The following SNX29 variants were observed in gnomAD, a reference collection of about 807,000 sequenced individuals.
The protein encoded by SNX29 is sorting nexin 29.
A neutral mutation model predicts 102.1 loss-of-function variants in SNX29; 78 were observed. The ratio of observed to expected loss-of-function variants is 0.76; its 90% CI spans 0.64 to 0.92. SNX29 has a LOEUF of 0.92. Ranked by LOEUF, SNX29 falls within the 40% of genes least tolerant of loss-of-function variation. SNX29 has a pLI of 0.00. For synonymous variants in SNX29, 580 were observed against 414.5 expected (o/e 1.40, Z -4.85); for missense variants, 1,280 against 1,061.7 (o/e 1.21, Z -2.86).
chr16:12,197,160 A>T (rs879136274), intron 13 of SNX29, among the ~76,000 whole-genome samples: 2 of 152,192 alleles, frequency 1.3e-5, no homozygotes, highest in Admixed American at 1.3e-4. Context: ...TTGTTTAGAA[A>T]TGTCTATAAC....
chr16:12,013,500 A>AAAAAAAAATATATATATATATAT, intron 3 of SNX29, among the ~76,000 whole-genome samples: 1 of 31,630 alleles, frequency 3.2e-5, no homozygotes, highest in African/African-American at 9.8e-5. Flanking sequence ...AAAAAAAAAA[A>AAAAAAAAATATATATATATATAT]ATATATATAT....
intron 16 of SNX29, among the ~76,000 whole-genome samples, chr16:12,396,376 C>G (rs971302295): frequency 3.9e-5 from 6 of 152,184 alleles, no homozygotes; most frequent in African/African-American, 1.4e-4. Flanking sequence ...GGTGCAAACT[C>G]TGTTCACTTC....
intron 15 of SNX29, among the ~76,000 whole-genome samples, chr16:12,330,358 T>G (rs2081258633): frequency 6.6e-6 from 1 of 152,040 alleles, no homozygotes; most frequent in Non-Finnish European, 1.5e-5. Context: ...TCCCAGCTAC[T>G]CGGGAGGCTG....
At chr16:12,230,350 A>G (rs1399242847) in intron 14 of SNX29, among the ~76,000 whole-genome samples, 1 of 152,230 alleles carries the variant, frequency 6.6e-6, no homozygotes, top group East Asian at 1.9e-4. Flanking sequence ...TTTTCCAAAT[A>G]GACAATCACG....
intron 20 of SNX29, among the ~76,000 whole-genome samples, chr16:12,538,743 C>T (rs1567672862): frequency 6.6e-6 from 1 of 151,906 alleles, no homozygotes; most frequent in Non-Finnish European, 1.5e-5. Context: ...AGAAGCACAC[C>T]CATATGGGTA....
chr16:12,307,300 C>T (rs2080367702), intron 15 of SNX29, among the ~76,000 whole-genome samples: 1 of 152,116 alleles, frequency 6.6e-6, no homozygotes, highest in South Asian at 2.1e-4. Flanking sequence ...ATGCAGGTGC[C>T]TGGCCGAGGG....
chr16:12,561,656 G>A (rs1029951389), intron 20 of SNX29, among the ~76,000 whole-genome samples: 70 of 152,314 alleles, frequency 4.6e-4, no homozygotes, highest in African/African-American at 1.5e-3. Flanking sequence ...CACTCCTGGG[G>A]CCCTCTGAGG....
intron 20 of SNX29, among the ~76,000 whole-genome samples, chr16:12,566,971 C>A (rs961265214): frequency 4.6e-5 from 7 of 152,248 alleles, no homozygotes; most frequent in East Asian, 1.9e-4. Context: ...ATCTCACTCG[C>A]ACAGTGGCCA....
rs149520664 is a variant in SNX29 at position 12,206,963 on chromosome 16, C to T, written c.1678+7280C>T. On this transcript the variant is annotated intron_variant, in intron 14 of 20. Coordinates refer to ENST00000566228, the MANE Select transcript of SNX29 (RefSeq NM_032167.5). ...TATGCTACAAATGTGCTGACACTCT[C>T]TGATTCTTGGCCAGTAGCTGACACT... 9.9e-3 allele frequency among the ~76,000 whole-genome samples: 1,503 copies of T among 152,220 alleles called. 80 individuals are homozygous for T. The highest frequency in any genetic ancestry group is 0.087 in the Admixed American group (1,327 of 15,282).
At chr16:12,463,534 G>C (rs1295199368) in intron 18 of SNX29, among the ~76,000 whole-genome samples, 1 of 152,088 alleles carries the variant, frequency 6.6e-6, no homozygotes, top group Non-Finnish European at 1.5e-5. Context: ...ACTAACAAGG[G>C]AACAGCATGA....
intron 14 of SNX29, among the ~76,000 whole-genome samples, chr16:12,242,629 C>G: frequency 6.7e-6 from 1 of 150,196 alleles, no homozygotes; most frequent in East Asian, 1.9e-4. Flanking sequence ...CTCTCTTCTT[C>G]TCTTCTTCTT....
At position 12,570,535 on chromosome 16, in the gene SNX29, G is replaced by C. The variant is rs1050444916; in HGVS notation, c.*1906G>C. Reference sequence around the variant, plus strand: ...ATGCCACATCGGTCATTTTGAAGTAGGTGTTTGATGCCAGCTCAGAGACTG... The same window carrying C: ...ATGCCACATCGGTCATTTTGAAGTACGTGTTTGATGCCAGCTCAGAGACTG... On this transcript the variant is annotated 3_prime_UTR_variant, in exon 21 of 21. Coordinates refer to ENST00000566228, the MANE Select transcript of SNX29 (RefSeq NM_032167.5). 1 of 232,342 alleles carries C rather than the reference G, an allele frequency of 4.3e-6. No individual in the cohort carries two copies. Among genetic ancestry groups the C allele is most frequent in the African/African-American group, 2.2e-5 (1 of 45,284 alleles). The allele number at this position is 232,342 out of a possible 1,614,324, so 14.4% of individuals were successfully genotyped here.
intron 15 of SNX29, among the ~76,000 whole-genome samples, chr16:12,345,242 C>T (rs569092441): frequency 1.1e-4 from 17 of 152,274 alleles, no homozygotes; most frequent in African/African-American, 4.1e-4. Flanking sequence ...CTGGGGGAGC[C>T]TCATGTAACA....
chr16:11,989,580 G>A (rs765755943), intron 1 of SNX29, among the ~76,000 whole-genome samples: 23 of 152,216 alleles, frequency 1.5e-4, no homozygotes, highest in African/African-American at 1.2e-4. Flanking sequence ...TGAGGCAGCC[G>A]TTGTGCCCTG....
intron 1 of SNX29, among the ~76,000 whole-genome samples, chr16:11,992,831 C>T (rs1419077162): frequency 6.6e-6 from 1 of 152,154 alleles, no homozygotes; most frequent in Admixed American, 6.6e-5. Flanking sequence ...ACGTCACCTC[C>T]ACCGCTGCAT....
intron 15 of SNX29, among the ~76,000 whole-genome samples, chr16:12,346,460 G>A (rs1338373006): frequency 6.6e-6 from 1 of 152,204 alleles, no homozygotes; most frequent in African/African-American, 2.4e-5. Context: ...GCCCAGAGAG[G>A]TGGAGGTAAG....
At chr16:12,137,373 G>C (rs1395057510) in intron 13 of SNX29, among the ~76,000 whole-genome samples, 2 of 152,202 alleles carry the variant, frequency 1.3e-5, no homozygotes, top group Non-Finnish European at 2.9e-5. Context: ...AGAGCCCTTG[G>C]CCCCTGGCCT....
chr16:12,477,869 C>A lies in SNX29; in HGVS notation c.2178+10C>A. 6.3e-7 allele frequency: 1 copy of A among 1,575,054 alleles called. No individual in the cohort carries two copies. Among genetic ancestry groups the A allele is most frequent in the Non-Finnish European group, 8.6e-7 (1 of 1,165,102 alleles). The stretch of plus-strand genomic sequence containing the variant: ...GGCCATTGGAAACAAGGTACCATCC[C>A]GTGCTGGGAAGCCCACTTGTCACTG... On this transcript the variant is annotated intron_variant, in intron 19 of 20. Transcript: ENST00000566228.
chr16:12,317,917 G>T (rs1477958959), intron 15 of SNX29, among the ~76,000 whole-genome samples: 2 of 152,236 alleles, frequency 1.3e-5, no homozygotes, highest in African/African-American at 2.4e-5. Context: ...GAGCTGAAAG[G>T]TATCAGCACC....
Sources: allele counts gnomAD v4.1 joint callset (sites outside exome capture counted in the v4.1 genomes callset), GRCh38; gene constraint gnomAD v4.1.1; transcripts MANE v1.5; gene names NCBI Gene and HGNC (gene_info 2026-07-23, HGNC 2026-07-21).